The following DAB1 variants were observed in gnomAD, a reference collection of about 807,000 sequenced individuals.
DAB1 encodes DAB adaptor protein 1, also known as disabled homolog 1.
Under a neutral mutation model 64.6 loss-of-function variants are expected in DAB1, and 15 were observed. The ratio of observed to expected loss-of-function variants is 0.23; its 90% CI spans 0.16 to 0.36. The LOEUF (loss-of-function observed/expected upper bound fraction) is 0.36. Ranked by LOEUF, DAB1 falls within the 10% of genes least tolerant of loss-of-function variation. The pLI is 1.00. For missense variants in DAB1, 596 were observed against 706.7 expected (o/e 0.84, Z 1.78); for synonymous variants, 235 against 251.9 (o/e 0.93, Z 0.64).
chr1:57,061,238 G>A (rs963032934), intron 9 of DAB1, among the ~76,000 whole-genome samples: 1 of 150,268 alleles, frequency 6.7e-6, no homozygotes, highest in Non-Finnish European at 1.5e-5. Flanking sequence ...TGGGGGGGGG[G>A]GGTGGTTTCA....
At chr1:57,288,117 C>T (rs1000678413) in intron 2 of DAB1, among the ~76,000 whole-genome samples, 26 of 152,168 alleles carry the variant, frequency 1.7e-4, no homozygotes, top group East Asian at 1.9e-4. Context: ...TTTTAATATA[C>T]ATGTGCCTTG....
In DAB1 at chr1:58,125,857, G is replaced by C. The variant is rs375053325; in HGVS notation, n.387+24654C>G. 3.9e-4 allele frequency among the ~76,000 whole-genome samples: 59 copies of C among 152,258 alleles called. No individual in the cohort carries two copies. In the South Asian group the frequency reaches 0.012, roughly 31 times the overall value. ...AATACCAGAAAGGTAAAGAAATACAGAGAGGCGTGACTGGTTTATGACAGT... is the reference window on the plus strand; with the variant it reads ...AATACCAGAAAGGTAAAGAAATACACAGAGGCGTGACTGGTTTATGACAGT... On this transcript the variant is annotated intron_variant and non_coding_transcript_variant, in intron 5 of 20. Transcript: ENST00000485760.
chr1:58,189,098 T>G (rs764069031), intron 4 of DAB1, among the ~76,000 whole-genome samples: 1 of 152,218 alleles, frequency 6.6e-6, no homozygotes, highest in Non-Finnish European at 1.5e-5. Context: ...AAATTAACCT[T>G]TAAAATGTGT....
chr1:58,355,099 G>A (rs1463571363), intron 3 of DAB1, among the ~76,000 whole-genome samples: 1 of 152,140 alleles, frequency 6.6e-6, no homozygotes, highest in Admixed American at 6.6e-5. Context: ...ACTTAAAAAA[G>A]CTGAGAAATG....
chr1:57,433,140 A>G (rs1685574881), intron 7 of DAB1, among the ~76,000 whole-genome samples: 1 of 152,194 alleles, frequency 6.6e-6, no homozygotes, highest in African/African-American at 2.4e-5. Flanking sequence ...ACTTCTCCCA[A>G]ACTGAAGTAT....
At chr1:57,854,125 T>C (rs1037189562) in intron 1 of DAB1, among the ~76,000 whole-genome samples, 8 of 152,210 alleles carry the variant, frequency 5.3e-5, no homozygotes, top group Non-Finnish European at 1.0e-4. Context: ...CTGGAACTCT[T>C]AAGACTTTAA....
chr1:57,715,900 A>G (rs1325402244), intron 6 of DAB1, among the ~76,000 whole-genome samples: 1 of 152,142 alleles, frequency 6.6e-6, no homozygotes, highest in East Asian at 1.9e-4. Context: ...CTATCAAAGT[A>G]CCAATGACAT....
chr1:58,015,391 TG>T (rs1646724436), intron 5 of DAB1, among the ~76,000 whole-genome samples: 1 of 152,176 alleles, frequency 6.6e-6, no homozygotes, highest in Non-Finnish European at 1.5e-5. Context: ...CCCCTAAACA[TG>T]ATACTTAATT....
intron 4 of DAB1, among the ~76,000 whole-genome samples, chr1:58,303,799 T>C (rs900086707): frequency 1.3e-5 from 2 of 152,192 alleles, no homozygotes; most frequent in Non-Finnish European, 2.9e-5. Context: ...GTAAATGTCA[T>C]AGGAGAGCTC....
intron 5 of DAB1, among the ~76,000 whole-genome samples, chr1:57,918,192 A>G (rs566998647): frequency 1.3e-5 from 2 of 152,164 alleles, no homozygotes; most frequent in Non-Finnish European, 2.9e-5. Flanking sequence ...AACAAAAAAA[A>G]GAAGCCATAG....
At chr1:57,268,042 T>C (rs1274137241) in intron 2 of DAB1, among the ~76,000 whole-genome samples, 1 of 152,234 alleles carries the variant, frequency 6.6e-6, no homozygotes, top group Non-Finnish European at 1.5e-5. Flanking sequence ...AATATTTACA[T>C]GTAGGGATTT....
At chr1:58,006,679 C>T (rs1176166627) in intron 5 of DAB1, among the ~76,000 whole-genome samples, 1 of 152,160 alleles carries the variant, frequency 6.6e-6, no homozygotes, top group Non-Finnish European at 1.5e-5. Context: ...CATCAGCCTA[C>T]AAGACAGGGC....
intron 1 of DAB1, among the ~76,000 whole-genome samples, chr1:57,850,450 T>C (rs1653468312): frequency 8.9e-6 from 1 of 112,280 alleles, no homozygotes; most frequent in Non-Finnish European, 2.0e-5. Flanking sequence ...TCAGATAATG[T>C]AGTTTTTTTT....
At chr1:58,158,285 A>C (rs1016364283) in intron 4 of DAB1, among the ~76,000 whole-genome samples, 1 of 152,224 alleles carries the variant, frequency 6.6e-6, no homozygotes, top group Non-Finnish European at 1.5e-5. Flanking sequence ...GTAATGGATT[A>C]GTTCAGAGCC....
At chr1:57,579,899 T>A (rs1303854254) in intron 7 of DAB1, among the ~76,000 whole-genome samples, 1 of 152,134 alleles carries the variant, frequency 6.6e-6, no homozygotes, top group Non-Finnish European at 1.5e-5. Flanking sequence ...CACAGTTCTC[T>A]GAGGAAAACA....
chr1:58,031,384 A>C (rs1313090959), intron 5 of DAB1, among the ~76,000 whole-genome samples: 3 of 152,224 alleles, frequency 2.0e-5, no homozygotes, highest in Admixed American at 2.0e-4. Context: ...TGATCTGTTC[A>C]GAGAAATCTT....
chr1:57,420,817 C>T (rs1362049107), intron 1 of DAB1, among the ~76,000 whole-genome samples: 2 of 152,204 alleles, frequency 1.3e-5, no homozygotes, highest in African/African-American at 2.4e-5. Flanking sequence ...CTGCTTAACT[C>T]AACCACGAGT....
intron 2 of DAB1, among the ~76,000 whole-genome samples, chr1:57,255,503 C>CA (rs1034665275): frequency 4.0e-5 from 6 of 151,758 alleles, no homozygotes; most frequent in South Asian, 2.1e-4. Context: ...ACCAAAAATA[C>CA]AAAAAAATTA....
At chr1:57,269,752 G>A in intron 2 of DAB1, among the ~76,000 whole-genome samples, 1 of 152,036 alleles carries the variant, frequency 6.6e-6, no homozygotes, top group East Asian at 1.9e-4. Flanking sequence ...AGGGAGATGA[G>A]GAGGATTTCA....
Sources: allele counts gnomAD v4.1 joint callset (sites outside exome capture counted in the v4.1 genomes callset), GRCh38; gene constraint gnomAD v4.1.1; transcripts MANE v1.5; gene names NCBI Gene and HGNC (gene_info 2026-07-23, HGNC 2026-07-21).